The following GRM7 variants were observed in gnomAD, a reference collection of about 807,000 sequenced individuals.
GRM7 encodes the protein metabotropic glutamate receptor 7.
In GRM7, 35 loss-of-function variants were observed where a neutral mutation model predicts 84.5. The observed-to-expected ratio is 0.41, with a 90% CI of 0.32 to 0.55. GRM7 has a LOEUF of 0.55. Ranked by LOEUF, GRM7 falls within the 20% of genes least tolerant of loss-of-function variation. The pLI is 0.19. For missense variants in GRM7, 1,003 were observed against 1,194.6 expected, an observed-to-expected ratio of 0.84 and a Z score of 2.36; for synonymous variants, 487 against 455.1, an observed-to-expected ratio of 1.07 and a Z score of -0.89.
intron 2 of GRM7, among the ~76,000 whole-genome samples, chr3:7,271,445 G>A (rs1398658847): frequency 2.0e-5 from 3 of 151,550 alleles, no homozygotes; most frequent in Admixed American, 2.0e-4. Context: ...TGTAGTCCCA[G>A]CTACTCGGGA....
intron 9 of GRM7, among the ~76,000 whole-genome samples, chr3:7,726,394 T>C (rs1186266266): frequency 6.6e-6 from 1 of 151,902 alleles, no homozygotes; most frequent in Non-Finnish European, 1.5e-5. Flanking sequence ...TATAAAAAGA[T>C]AGCATTATAG....
At chr3:7,391,684 T>C (rs1164904261) in intron 4 of GRM7, among the ~76,000 whole-genome samples, 1 of 151,548 alleles carries the variant, frequency 6.6e-6, no homozygotes, top group Admixed American at 6.6e-5. Flanking sequence ...ATTGTGCACA[T>C]GTACCCTAGA....
At chr3:7,381,876 C>T (rs1365630072) in intron 4 of GRM7, among the ~76,000 whole-genome samples, 1 of 152,124 alleles carries the variant, frequency 6.6e-6, no homozygotes, top group East Asian at 1.9e-4. Flanking sequence ...GGTTACCTAG[C>T]TCAGGGTAAG....
intron 3 of GRM7, among the ~76,000 whole-genome samples, chr3:7,299,527 T>C (rs1304578119): frequency 6.6e-6 from 1 of 152,212 alleles, no homozygotes; most frequent in African/African-American, 2.4e-5. Context: ...AAAGTAAACA[T>C]ACAATCTCCA....
Position 6,863,994 on chromosome 3 carries a change from C to T in GRM7, c.519+2087C>T, listed in dbSNP as rs1009224192. On this transcript the variant is annotated intron_variant, in intron 1 of 9. Transcript: ENST00000357716. This position sits in a 1 kb window ranked among gnomAD's most constrained non-coding sequence, Gnocchi z 4.8. ...TCTCTGGTGTGTGAACCTGAGGCAA[C>T]TTGCTAGTGGTGAAAAAAGGGGTGG... Among the ~76,000 whole-genome samples the T allele has an allele frequency of 2.0e-5, 3 of 152,054 alleles. No homozygotes were observed. Among genetic ancestry groups the T allele is most frequent in the Admixed American group, 2.0e-4 (3 of 15,272 alleles).
chr3:7,720,507 C>G (rs1701908626), intron 9 of GRM7, among the ~76,000 whole-genome samples: 1 of 152,126 alleles, frequency 6.6e-6, no homozygotes, highest in Non-Finnish European at 1.5e-5. Context: ...ACCTGCCAGG[C>G]TTTGCTGCCA....
In GRM7 at chr3:7,240,144, T is replaced by C. The variant is rs1052423829; in HGVS notation, c.737-58540T>C. Among the ~76,000 whole-genome samples the C allele has an allele frequency of 1.1e-3, 163 of 146,706 alleles. 1 individual carries two copies. The highest frequency in any genetic ancestry group is 3.6e-3 in the African/African-American group (141 of 39,476). ...GGTTTTTTTTTTTTTTTTTTTTTTT[T>C]CCAGTGGCTTAATTTCATTCTGGTT... On this transcript the variant is annotated intron_variant, in intron 2 of 9. Transcript: ENST00000357716.
chr3:7,260,601 T>C (rs1280418972), intron 2 of GRM7, among the ~76,000 whole-genome samples: 7 of 152,110 alleles, frequency 4.6e-5, no homozygotes, highest in Non-Finnish European at 2.9e-5. Flanking sequence ...TTTTCTTCTT[T>C]ATTAGTCTAG....
At chr3:6,905,743 A>G (rs1003768415) in intron 1 of GRM7, among the ~76,000 whole-genome samples, 54 of 152,188 alleles carry the variant, frequency 3.5e-4, no homozygotes, top group African/African-American at 1.2e-3. Flanking sequence ...TAATTTTGGT[A>G]TATGGCCTTG....
chr3:7,253,850 A>G (rs1698100347), intron 2 of GRM7, among the ~76,000 whole-genome samples: 1 of 152,004 alleles, frequency 6.6e-6, no homozygotes, highest in African/African-American at 2.4e-5. Context: ...ATATGCATGG[A>G]TTTTGCGCAT....
intron 1 of GRM7, among the ~76,000 whole-genome samples, chr3:7,082,420 A>T (rs1559427169): frequency 6.6e-6 from 1 of 152,126 alleles, no homozygotes; most frequent in Non-Finnish European, 1.5e-5. Flanking sequence ...AAAAAAGATT[A>T]CTTTCAAGAC....
intron 8 of GRM7, among the ~76,000 whole-genome samples, chr3:7,627,927 T>C (rs1697690725): frequency 6.6e-6 from 1 of 152,162 alleles, no homozygotes; most frequent in African/African-American, 2.4e-5. Flanking sequence ...AGTCACCAAA[T>C]ACAATGGCAT....
chr3:7,259,953 G>GTTTTTTTTTTTTTTTTTTTTTTTTT lies in GRM7; in HGVS notation c.737-38719_737-38718insTTTTTTTTTTTTTTTTTTTTTTTTT, dbSNP rs1164961076. Among the ~76,000 whole-genome samples, 14 of 89,656 alleles carry GTTTTTTTTTTTTTTTTTTTTTTTTT rather than the reference G, an allele frequency of 1.6e-4. 2 individuals carry two copies. Among genetic ancestry groups the GTTTTTTTTTTTTTTTTTTTTTTTTT allele is most frequent in the African/African-American group, 7.6e-4 (13 of 17,068 alleles). 58.8% of individuals were successfully genotyped at this position (89,656 alleles called of 152,430 possible). ...TTTCTCTGCAACCTTACCAGCATCT[G>GTTTTTTTTTTTTTTTTTTTTTTTTT]TTTTTTTTTTTTGACGTTTTAATAA... is the stretch of plus-strand genomic sequence containing the variant. On this transcript the variant is annotated intron_variant, in intron 2 of 9. Coordinates refer to ENST00000357716, the MANE Select transcript of GRM7 (RefSeq NM_000844.4).
At chr3:7,464,008 T>C (rs1029199472) in intron 7 of GRM7, among the ~76,000 whole-genome samples, 1 of 152,086 alleles carries the variant, frequency 6.6e-6, no homozygotes, top group Non-Finnish European at 1.5e-5. Flanking sequence ...CTAGCTAGAA[T>C]AGGGGAGCTA....
chr3:6,918,848 C>G (rs1193766722), intron 1 of GRM7, among the ~76,000 whole-genome samples: 1 of 152,136 alleles, frequency 6.6e-6, no homozygotes, highest in African/African-American at 2.4e-5. Flanking sequence ...TACTGCACTT[C>G]CAGTCCCGGT....
intron 2 of GRM7, among the ~76,000 whole-genome samples, chr3:7,163,868 C>A (rs868840571): frequency 2.0e-5 from 3 of 152,108 alleles, no homozygotes; most frequent in Non-Finnish European, 4.4e-5. Context: ...TAAAAAGTTT[C>A]TTGGATCCCT....
intron 8 of GRM7, among the ~76,000 whole-genome samples, chr3:7,648,412 T>G (rs1698759584): frequency 6.6e-6 from 1 of 151,890 alleles, no homozygotes; most frequent in Non-Finnish European, 1.5e-5. Flanking sequence ...TTTAGGAGGC[T>G]GAGGCGGGCG....
rs139509041 is a variant in GRM7, at chr3:6,973,200, T to C, written c.519+111293T>C. On this transcript the variant is annotated intron_variant, in intron 1 of 9. Coordinates refer to ENST00000357716, the MANE Select transcript of GRM7 (RefSeq NM_000844.4). ...TTTTATTATGATGGTTTTATTATTA[T>C]TATTATTATTATCAGCATCATCATC... Among the ~76,000 whole-genome samples, 9 of 152,296 alleles carry C rather than the reference T, an allele frequency of 5.9e-5. No individual in the cohort carries two copies. In the East Asian group the frequency reaches 1.7e-3, roughly 29 times the overall value.
intron 1 of GRM7, among the ~76,000 whole-genome samples, chr3:7,009,419 G>A (rs760238820): frequency 2.6e-4 from 39 of 152,242 alleles, no homozygotes; most frequent in Admixed American, 1.3e-4. Flanking sequence ...ACCCAAGGTC[G>A]CACAGCTGGT....
Sources: allele counts gnomAD v4.1 joint callset (sites outside exome capture counted in the v4.1 genomes callset), GRCh38; gene constraint gnomAD v4.1.1; non-coding constraint Gnocchi (gnomAD v3.1); transcripts MANE v1.5; gene names NCBI Gene and HGNC (gene_info 2026-07-23, HGNC 2026-07-21).